NKAIN2: variants seen among roughly 807,000 people sequenced by gnomAD.
NKAIN2 encodes sodium/potassium transporting ATPase interacting 2.
In NKAIN2, 14 loss-of-function variants were observed where a neutral mutation model predicts 32.6. The ratio of observed to expected loss-of-function variants is 0.43; its 90% confidence interval spans 0.28 to 0.67. The LOEUF is 0.67. NKAIN2 is among the 30% of genes least tolerant of loss of function. The pLI is 0.17. For missense variants in NKAIN2, 198 were observed against 258.3 expected, an observed-to-expected ratio of 0.77 and a Z score of 1.60; for synonymous variants, 80 against 87.2, an observed-to-expected ratio of 0.92 and a Z score of 0.46.
At chr6:124,006,337 G>A (rs909362839) in intron 1 of NKAIN2, among the ~76,000 whole-genome samples, 5 of 152,130 alleles carry the variant, frequency 3.3e-5, no homozygotes, top group African/African-American at 1.2e-4. Flanking sequence ...TAGTTGAGTG[G>A]CTTCAATTTA....
chr6:124,315,560 A>C (rs986906946), intron 2 of NKAIN2, among the ~76,000 whole-genome samples: 1 of 152,144 alleles, frequency 6.6e-6, no homozygotes, highest in Non-Finnish European at 1.5e-5. Context: ...CTAGAGAATC[A>C]ACATATTGAA....
At chr6:124,746,074 C>T (rs1777439080) in intron 4 of NKAIN2, among the ~76,000 whole-genome samples, 1 of 151,780 alleles carries the variant, frequency 6.6e-6, no homozygotes, top group Non-Finnish European at 1.5e-5. Context: ...GATATCAACT[C>T]TACAGAAAAG....
chr6:124,502,479 T>C (rs1462029086), intron 3 of NKAIN2, among the ~76,000 whole-genome samples: 2 of 152,222 alleles, frequency 1.3e-5, no homozygotes, highest in Non-Finnish European at 2.9e-5. Context: ...TTAAGGGAAA[T>C]ATATGTATAT....
chr6:124,309,372 A>G (rs1195797248), intron 2 of NKAIN2, among the ~76,000 whole-genome samples: 1 of 152,110 alleles, frequency 6.6e-6, no homozygotes, highest in Non-Finnish European at 1.5e-5. Flanking sequence ...TTTTTGGGGG[A>G]TAATTTATTA....
intron 1 of NKAIN2, among the ~76,000 whole-genome samples, chr6:124,168,880 G>A (rs972924019): frequency 6.6e-6 from 1 of 152,088 alleles, no homozygotes; most frequent in Admixed American, 6.6e-5. Flanking sequence ...ACAGGTTACA[G>A]TGTCAAACAG....
intron 3 of NKAIN2, among the ~76,000 whole-genome samples, chr6:124,514,351 T>C (rs536381987): frequency 1.3e-5 from 2 of 152,186 alleles, no homozygotes; most frequent in South Asian, 4.1e-4. Context: ...CCCGCTGGGC[T>C]ATCCCAGCAA....
rs565051215 is a variant in NKAIN2 at position 124,596,367 on chromosome 6, A to G, written c.274-61819A>G. Among the ~76,000 whole-genome samples, 5 of 152,254 alleles carry G rather than the reference A, an allele frequency of 3.3e-5. No individual in the cohort carries two copies. In the South Asian group the frequency reaches 8.3e-4, roughly 25 times the overall value. Reference sequence around the variant, plus strand: ...TGCAGTGGAAAAGAAAGGCTCACACATGAGAGGAATACTGTGTGAGAGCCC... The same window carrying G: ...TGCAGTGGAAAAGAAAGGCTCACACGTGAGAGGAATACTGTGTGAGAGCCC... On this transcript the variant is annotated intron_variant, in intron 3 of 6. Transcript: ENST00000368417.
intron 1 of NKAIN2, among the ~76,000 whole-genome samples, chr6:123,868,401 T>G (rs1582682408): frequency 6.6e-6 from 1 of 152,218 alleles, no homozygotes; most frequent in Non-Finnish European, 1.5e-5. Flanking sequence ...TTTTCCATAA[T>G]AGTTTGCCAT....
intron 1 of NKAIN2, among the ~76,000 whole-genome samples, chr6:124,208,688 G>A (rs802232): frequency 0.7 from 105,107 of 150,878 alleles, 36,822 homozygotes; most frequent in South Asian, 0.76. Flanking sequence ...TATCTTTATT[G>A]TATTTTTCTG....
chr6:124,112,897 T>C (rs1216241329), intron 1 of NKAIN2, among the ~76,000 whole-genome samples: 1 of 151,878 alleles, frequency 6.6e-6, no homozygotes, highest in Non-Finnish European at 1.5e-5. Context: ...TTCAGCTTCA[T>C]GATTTTGGTT....
intron 3 of NKAIN2, among the ~76,000 whole-genome samples, chr6:124,399,757 C>G (rs1052869766): frequency 6.6e-6 from 1 of 152,094 alleles, no homozygotes; most frequent in Non-Finnish European, 1.5e-5. Flanking sequence ...GTATTAGGTA[C>G]AATTAATGGT....
intron 1 of NKAIN2, among the ~76,000 whole-genome samples, chr6:124,070,858 A>G (rs1326634094): frequency 1.3e-5 from 2 of 152,198 alleles, no homozygotes; most frequent in African/African-American, 2.4e-5. Flanking sequence ...ACTTCAAACT[A>G]TATCATAAAA....
intron 3 of NKAIN2, among the ~76,000 whole-genome samples, chr6:124,626,050 G>A (rs908502464): frequency 6.0e-5 from 9 of 149,426 alleles, no homozygotes; most frequent in Non-Finnish European, 8.9e-5. Context: ...CCATTAACTC[G>A]TCATTTAGCA....
intron 5 of NKAIN2, among the ~76,000 whole-genome samples, chr6:124,812,718 C>A (rs561283664): frequency 1.3e-5 from 2 of 151,596 alleles, no homozygotes; most frequent in African/African-American, 4.9e-5. Flanking sequence ...AGCCAAACAC[C>A]AACTCCCTTT....
chr6:124,790,125 G>T (rs1252112850), intron 4 of NKAIN2, among the ~76,000 whole-genome samples: 1 of 152,058 alleles, frequency 6.6e-6, no homozygotes, highest in Non-Finnish European at 1.5e-5. Context: ...TTGGAAGATA[G>T]CTAGAATCTG....
intron 2 of NKAIN2, among the ~76,000 whole-genome samples, chr6:124,298,466 A>G (rs573231904): frequency 6.6e-6 from 1 of 152,292 alleles, no homozygotes; most frequent in African/African-American, 2.4e-5. Flanking sequence ...ATCAAGATAA[A>G]TATCATGTGT....
At chr6:124,266,738 T>C (rs1330759925) in intron 1 of NKAIN2, among the ~76,000 whole-genome samples, 1 of 152,198 alleles carries the variant, frequency 6.6e-6, no homozygotes, top group Non-Finnish European at 1.5e-5. Context: ...TGAGGTAACA[T>C]AAAATTGGAC....
chr6:123,998,743 CTGTGTGTGTGTG>C lies in NKAIN2; in HGVS notation c.54+194512_54+194523del, dbSNP rs34410164. Among the ~76,000 whole-genome samples, 241 of 134,248 alleles carry C rather than the reference CTGTGTGTGTGTG, an allele frequency of 1.8e-3. 1 individual carries two copies. Among genetic ancestry groups the C allele is most frequent in the African/African-American group, 6.3e-3 (219 of 34,622 alleles). 88.1% of individuals were successfully genotyped at this position (134,248 alleles called of 152,430 possible). On this transcript the variant is annotated intron_variant, in intron 1 of 6. Coordinates refer to ENST00000368417, the MANE Select transcript of NKAIN2 (RefSeq NM_001040214.3). ...GAAATTGTTGTTTCTCTCTCTCTCT[CTGTGTGTGTGTG>C]TGTGTGTGTGTGTGTGTGTGTGGAA...
At chr6:123,895,236 C>A (rs1304667988) in intron 1 of NKAIN2, among the ~76,000 whole-genome samples, 1 of 151,856 alleles carries the variant, frequency 6.6e-6, no homozygotes, top group African/African-American at 2.4e-5. Context: ...CACACACATA[C>A]ACACAGCAAC....
Sources: gnomAD v4.1 joint callset for allele counts (sites outside exome capture counted in the v4.1 genomes callset) on GRCh38, gnomAD v4.1.1 for gene constraint, MANE v1.5 for transcripts, NCBI Gene and HGNC (gene_info 2026-07-23, HGNC 2026-07-21) for gene names.